Variants in PHF2 observed in about 807,000 individuals in gnomAD.
PHF2 encodes PHD finger protein 2.
In PHF2, 27 loss-of-function variants were observed where a neutral mutation model predicts 120.5. The observed-to-expected ratio is 0.22, with a 90% CI of 0.17 to 0.31. PHF2 has a LOEUF of 0.31. Ranked by LOEUF, PHF2 falls within the 10% of genes least tolerant of loss-of-function variation. PHF2 has a pLI of 1.00. For missense variants in PHF2, 1,024 were observed against 1,434.8 expected (o/e 0.71, Z 4.63); for synonymous variants, 568 against 592.5 (o/e 0.96, Z 0.60).
At chr9:93,614,689 C>T (rs1825692430) in intron 1 of PHF2, among the ~76,000 whole-genome samples, 1 of 152,148 alleles carries the variant, frequency 6.6e-6, no homozygotes, top group Admixed American at 6.5e-5. Flanking sequence ...TTTTTTCTGT[C>T]CATGGAGTGT....
At chr9:93,673,903 C>T (rs190945254) in intron 18 of PHF2, 41 bp downstream of exon 18, 3 of 1,516,052 alleles carry the variant, frequency 2.0e-6, no homozygotes, top group Middle Eastern at 1.8e-4. Context: ...CATGCTCAGC[C>T]CTAGAAGGCC....
At position 93,667,200 on chromosome 9, in the gene PHF2, G is replaced by A; in HGVS notation, c.2308G>A (p.Ala770Thr). Residue 770 changes from alanine to threonine, a missense_variant, in exon 17 of 22, where the codon GCC (alanine) becomes ACC (threonine). Coordinates refer to ENST00000359246, the MANE Select transcript of PHF2 (RefSeq NM_005392.4). ...AGCTGGCATCTTGGACCTGCTGCAG[G>A]CCAGTGAGGAGGTTGGCGCGCTGGA... Reference protein sequence around the residue: ...SAAGILDLLQASEEVGALEYN... With the variant: ...SAAGILDLLQTSEEVGALEYN... 6.2e-7 allele frequency: 1 copy of A among 1,612,666 alleles called. No homozygotes were observed. Among genetic ancestry groups the A allele is most frequent in the Non-Finnish European group, 8.5e-7 (1 of 1,179,834 alleles).
chr9:93,650,351 TACTA>T (rs1278585591), intron 5 of PHF2, among the ~76,000 whole-genome samples: 1 of 152,078 alleles, frequency 6.6e-6, no homozygotes, highest in Non-Finnish European at 1.5e-5. Context: ...CACACTGAGA[TACTA>T]ACTCACTGGC....
chr9:93,592,222 T>G (rs1564373596), intron 1 of PHF2, among the ~76,000 whole-genome samples: 1 of 152,212 alleles, frequency 6.6e-6, no homozygotes, highest in East Asian at 1.9e-4. Flanking sequence ...TCTCAGGGTC[T>G]TTTTCTCAAA....
rs773284481 is a variant in PHF2 at position 93,673,875 on chromosome 9, C to T, written c.2626+13C>T. The T allele has an allele frequency of 3.8e-6, 6 of 1,572,236 alleles. No homozygotes were observed. In the East Asian group the frequency reaches 9.1e-5, roughly 24 times the overall value. ...GACTCAGACTACGGTGAGTGTCACT[C>T]CTGCGTGGGGCAGGGCCCATGCTCA... On this transcript the variant is annotated intron_variant, in intron 18 of 21. Transcript: ENST00000359246.
Position 93,653,297 on chromosome 9 carries a change from G to T in PHF2, c.721G>T (p.Val241Leu). 1 of 1,614,072 alleles carries T rather than the reference G, an allele frequency of 6.2e-7. No homozygotes were observed. Among genetic ancestry groups the T allele is most frequent in the Non-Finnish European group, 8.5e-7 (1 of 1,180,034 alleles). Reference sequence around the variant, plus strand: ...AGTGACCAAGTACTGCCTAATCTGCGTGAAGGACAGTTACACCGACTTCCA... The same window carrying T: ...AGTGACCAAGTACTGCCTAATCTGCTTGAAGGACAGTTACACCGACTTCCA... The part of the protein sequence containing the change: ...PKVTKYCLIC[V>L]KDSYTDFHID... Residue 241 changes from valine (V) to leucine (L), a missense_variant, in exon 6 of 22, where the codon GTG becomes TTG. Val to Leu is a conservative substitution (Grantham distance 32). Around this residue, in one of 2 missense-constraint regions of PHF2, gnomAD observed 347 missense variants for 577.4 expected, o/e 0.60. Transcript: ENST00000359246.
rs569854920 is a variant in PHF2, at chr9:93,629,963, G to A, written c.99-7G>A. Reference sequence around the variant, plus strand: ...CCTAGGTAATGGTCTATTTCGTCTCGTTTCAGCTGTGTTGGGGTGGAAGAG... The same window carrying A: ...CCTAGGTAATGGTCTATTTCGTCTCATTTCAGCTGTGTTGGGGTGGAAGAG... On this transcript the variant is annotated splice_region_variant and splice_polypyrimidine_tract_variant and intron_variant, in intron 1 of 21. Coordinates refer to ENST00000359246, the MANE Select transcript of PHF2 (RefSeq NM_005392.4). 11 of 1,614,052 alleles carry A rather than the reference G, an allele frequency of 6.8e-6. No individual in the cohort carries two copies. Among genetic ancestry groups the A allele is most frequent in the South Asian group, 4.4e-5 (4 of 91,080 alleles).
rs1454414571 is a variant in PHF2, at chr9:93,624,814, G to GTGATGATGATGGTGA, written c.99-5141_99-5127dup. On this transcript the variant is annotated intron_variant, in intron 1 of 21. Coordinates refer to ENST00000359246, the MANE Select transcript of PHF2 (RefSeq NM_005392.4). ...TGTGGCAGTGCTGGTGATGGTGATG[G>GTGATGATGATGGTGA]TGATGATGATGGTGATGATGATGAT... is the stretch of plus-strand genomic sequence containing the variant. 2.6e-5 allele frequency among the ~76,000 whole-genome samples: 4 copies of GTGATGATGATGGTGA among 151,274 alleles called. No homozygotes were observed. The East Asian group carries it at 7.8e-4, about 30-fold the overall frequency.
chr9:93,613,781 G>C (rs754890172), intron 1 of PHF2, among the ~76,000 whole-genome samples: 2 of 151,990 alleles, frequency 1.3e-5, no homozygotes, highest in Non-Finnish European at 2.9e-5. Flanking sequence ...GTGTTGCCAA[G>C]ACTGGTTTCA....
intron 5 of PHF2, among the ~76,000 whole-genome samples, 186 bp downstream of exon 5, chr9:93,649,398 T>A (rs868828115): frequency 1.5e-5 from 2 of 137,680 alleles, no homozygotes; most frequent in Non-Finnish European, 1.6e-5. Context: ...TTTTTTTTTT[T>A]ATAAGACTGG....
Position 93,677,498 on chromosome 9 carries a change from G to A in PHF2, c.3203-90G>A. Reference sequence around the variant, plus strand: ...GGGGGACTGCAGGCTGCCCCTTAGTGTCAGCGGGACCCTCCCCCCCACCGG... The same window carrying A: ...GGGGGACTGCAGGCTGCCCCTTAGTATCAGCGGGACCCTCCCCCCCACCGG... On this transcript the variant is annotated intron_variant, in intron 21 of 21. Coordinates refer to ENST00000359246, the MANE Select transcript of PHF2 (RefSeq NM_005392.4). This position sits in a 1 kb window ranked among gnomAD's most constrained non-coding sequence, Gnocchi z 4.4. 1.1e-6 allele frequency: 1 copy of A among 923,586 alleles called. No homozygotes were observed. Among genetic ancestry groups the A allele is most frequent in the Non-Finnish European group, 1.7e-6 (1 of 573,424 alleles). 57.2% of individuals were successfully genotyped at this position (923,586 alleles called of 1,614,324 possible). A position where few individuals can be genotyped will look rare whatever the true frequency, so the allele number is the denominator to read the frequency against.
chr9:93,626,000 C>T (rs56186220), intron 1 of PHF2, among the ~76,000 whole-genome samples: 9,574 of 151,826 alleles, frequency 0.063, 416 homozygotes, highest in Non-Finnish European at 0.09. Flanking sequence ...CCCAGCACTT[C>T]GGGAGGCCAA....
At chr9:93,646,245 A>G (rs895471914) in intron 4 of PHF2, among the ~76,000 whole-genome samples, 1 of 152,196 alleles carries the variant, frequency 6.6e-6, no homozygotes, top group Non-Finnish European at 1.5e-5. Context: ...AGCCAGTGCC[A>G]TTGCCATCAG....
Position 93,667,073 on chromosome 9 carries a change from G to C in PHF2, c.2188-7G>C, listed in dbSNP as rs201829252. 6.2e-7 allele frequency: 1 copy of C among 1,609,754 alleles called. No individual in the cohort carries two copies. Among genetic ancestry groups the C allele is most frequent in the East Asian group, 2.2e-5 (1 of 44,560 alleles). ...CCCTGACCGAAGCCCTGTCCCTCGC[G>C]CAGCAGAGTGATGACTCCTCGGACG... On this transcript the variant is annotated splice_region_variant and splice_polypyrimidine_tract_variant and intron_variant, in intron 16 of 21. Coordinates refer to ENST00000359246, the MANE Select transcript of PHF2 (RefSeq NM_005392.4).
chr9:93,580,299 G>T (rs1252435971), intron 1 of PHF2, among the ~76,000 whole-genome samples: 2 of 152,342 alleles, frequency 1.3e-5, no homozygotes, highest in South Asian at 4.1e-4. Context: ...GCAGGAGGCC[G>T]CTGGAGGCCG....
At chr9:93,661,936 G>GATGA (rs1826575605) in intron 12 of PHF2, among the ~76,000 whole-genome samples, 2 of 151,706 alleles carry the variant, frequency 1.3e-5, no homozygotes, top group African/African-American at 4.8e-5. Flanking sequence ...TGGATGGATG[G>GATGA]ATGAATAAAT....
intron 2 of PHF2, among the ~76,000 whole-genome samples, chr9:93,633,718 G>A (rs1826045004): frequency 6.6e-6 from 1 of 152,226 alleles, no homozygotes; most frequent in African/African-American, 2.4e-5. Flanking sequence ...GAGGAGGTAC[G>A]CAGGTGTAGC....
chr9:93,636,044 G>A (rs536358488), intron 2 of PHF2, among the ~76,000 whole-genome samples: 1 of 152,264 alleles, frequency 6.6e-6, no homozygotes, highest in Admixed American at 6.5e-5. Flanking sequence ...GGAAGCCATG[G>A]GATGGTGAGG....
rs780594977 is a variant in PHF2, at chr9:93,636,528, G to A, written c.299+3G>A. 1.1e-5 allele frequency: 17 copies of A among 1,573,110 alleles called. No individual in the cohort carries two copies. Among genetic ancestry groups the A allele is most frequent in the Non-Finnish European group, 1.3e-5 (15 of 1,157,884 alleles). On this transcript the variant is annotated splice_donor_region_variant and intron_variant, in intron 3 of 21. Transcript: ENST00000359246. Reference sequence around the variant, plus strand: ...CTGCGGAGCCGGACCTTTCCCAGGTGGGCTGGCCTTCCTGTATGCTCCACC... The same window carrying A: ...CTGCGGAGCCGGACCTTTCCCAGGTAGGCTGGCCTTCCTGTATGCTCCACC...
Sources: gnomAD v4.1 joint callset for allele counts (sites outside exome capture counted in the v4.1 genomes callset) on GRCh38, gnomAD v4.1.1 for gene constraint, gnomAD v4.1.1 regional missense constraint, Gnocchi (gnomAD v3.1) non-coding constraint, MANE v1.5 for transcripts, NCBI Gene and HGNC (gene_info 2026-07-23, HGNC 2026-07-21) for gene names.